Variants in EML1 observed in about 807,000 individuals in gnomAD.
EML1 encodes the protein EMAP like 1.
EML1 carries 27 observed loss-of-function variants against 110.4 expected under a neutral mutation model. The ratio of observed to expected loss-of-function variants is 0.24; its 90% confidence interval spans 0.18 to 0.34. The LOEUF (loss-of-function observed/expected upper bound fraction) is 0.34. Ranked by LOEUF, EML1 falls within the 10% of genes least tolerant of loss-of-function variation. The pLI, the probability that EML1 is intolerant of heterozygous loss-of-function variation, is 1.00. For missense variants in EML1, 741 were observed against 1,030.9 expected, an observed-to-expected ratio of 0.72 and a Z score of 3.85; for synonymous variants, 344 against 385.8, an observed-to-expected ratio of 0.89 and a Z score of 1.27.
chr14:99,865,229 G>A (rs1446293143), intron 2 of EML1, among the ~76,000 whole-genome samples: 1 of 152,172 alleles, frequency 6.6e-6, no homozygotes, highest in Non-Finnish European at 1.5e-5. Flanking sequence ...TCAGGCATTA[G>A]ATTCTCATAA....
In EML1 at chr14:99,784,342, CT is replaced by C. The variant is rs2057576695; in HGVS notation, c.-27+10331del. On this transcript the variant is annotated intron_variant, in intron 1 of 22. Coordinates refer to the EML1 transcript ENST00000327921. The surrounding 1 kb of genome is among the most constrained non-coding windows in gnomAD (Gnocchi z 4.5). ...TCCTGGACTCAAGGGATCTGCCCACCTTGGCCTCCTCAAGTGCTGGGATAAC... is the reference window on the plus strand; with the variant it reads ...TCCTGGACTCAAGGGATCTGCCCACCTGGCCTCCTCAAGTGCTGGGATAAC... 1.3e-5 allele frequency among the ~76,000 whole-genome samples: 2 copies of C among 152,346 alleles called. No homozygotes were observed. The highest frequency in any genetic ancestry group is 4.1e-4 in the South Asian group (2 of 4,826).
chr14:99,923,449 A>G (rs1046267906), intron 17 of EML1, among the ~76,000 whole-genome samples: 1 of 140,704 alleles, frequency 7.1e-6, no homozygotes, highest in African/African-American at 3.2e-5. Context: ...AAGAGTTACA[A>G]GAGTACACTA....
chr14:99,835,757 T>G (rs779665745), intron 1 of EML1, among the ~76,000 whole-genome samples: 2 of 152,262 alleles, frequency 1.3e-5, no homozygotes, highest in African/African-American at 4.8e-5. Flanking sequence ...ATTTTGCATG[T>G]GGACATTCAA....
chr14:99,789,707 T>C (rs772505066), upstream of EML1, among the ~76,000 whole-genome samples: 1 of 152,228 alleles, frequency 6.6e-6, no homozygotes, highest in Non-Finnish European at 1.5e-5. Flanking sequence ...TTTTTAAAAA[T>C]TGCCTTTCTA....
intron 1 of EML1, among the ~76,000 whole-genome samples, chr14:99,746,844 C>G (rs922290350): frequency 3.9e-5 from 6 of 152,270 alleles, no homozygotes; most frequent in Admixed American, 3.3e-4. Context: ...CTCCTCCCAC[C>G]CAGGGCTCCC....
intron 4 of EML1, chr14:99,886,071 G>T (rs2059469310): frequency 6.9e-6 from 2 of 289,722 alleles, no homozygotes; most frequent in South Asian, 6.2e-5. Flanking sequence ...GTTCTTAAAT[G>T]ACCCTATTTC....
intron 1 of EML1, among the ~76,000 whole-genome samples, chr14:99,836,648 T>C (rs1053682992): frequency 5.3e-5 from 8 of 152,228 alleles, no homozygotes; most frequent in Non-Finnish European, 7.3e-5. Flanking sequence ...GTTGATTCTT[T>C]TATTTATTTT....
At chr14:99,793,066 G>A (rs1205327710), upstream of EML1, among the ~76,000 whole-genome samples, 1 of 151,274 alleles carries the variant, frequency 6.6e-6, no homozygotes, top group African/African-American at 2.4e-5. Flanking sequence ...CGCAAGGGCC[G>A]CCCGCCGCGC....
chr14:99,801,072 C>T (rs2057867623), intron 1 of EML1, among the ~76,000 whole-genome samples: 1 of 152,238 alleles, frequency 6.6e-6, no homozygotes, highest in East Asian at 1.9e-4. Flanking sequence ...ACTGGTGGTA[C>T]CCTTCACTCT....
intron 17 of EML1, 82 bp downstream of exon 17, chr14:99,920,959 G>A (rs1055652293): frequency 4.3e-5 from 57 of 1,340,422 alleles, no homozygotes; most frequent in South Asian, 3.2e-4. Context: ...AGGATGTGTC[G>A]GTTTGTTACA....
intron 15 of EML1, among the ~76,000 whole-genome samples, chr14:99,916,867 G>A (rs2060042395): frequency 6.6e-6 from 1 of 152,164 alleles, no homozygotes; most frequent in Non-Finnish European, 1.5e-5. Context: ...CGAAGCCTTG[G>A]CCCAGCTTCC....
At chr14:99,833,356 C>T (rs1474610509) in intron 1 of EML1, among the ~76,000 whole-genome samples, 3 of 152,130 alleles carry the variant, frequency 2.0e-5, no homozygotes, top group Non-Finnish European at 2.9e-5. Flanking sequence ...CTATTCTATT[C>T]TGTTGATCTG....
intron 1 of EML1, chr14:99,838,956 A>G (rs1396511817): frequency 8.3e-6 from 1 of 120,560 alleles, no homozygotes. Flanking sequence ...TGTTTGTAGT[A>G]TTTAGTAAAC....
intron 1 of EML1, among the ~76,000 whole-genome samples, chr14:99,749,475 G>GT (rs2057151949): frequency 1.3e-5 from 2 of 152,312 alleles, no homozygotes; most frequent in African/African-American, 4.8e-5. Context: ...TTAAGTCTCG[G>GT]TTTTCATATC....
chr14:99,837,955 A>G (rs1167846643), intron 1 of EML1, among the ~76,000 whole-genome samples: 2 of 152,098 alleles, frequency 1.3e-5, no homozygotes, highest in African/African-American at 2.4e-5. Flanking sequence ...ATGAACCATC[A>G]TGCCTGGCTA....
At chr14:99,792,136 G>GC (rs2057681983), upstream of EML1, among the ~76,000 whole-genome samples, 1 of 152,178 alleles carries the variant, frequency 6.6e-6, no homozygotes, top group East Asian at 1.9e-4. Context: ...GAGTGACAGA[G>GC]CCCTGTCCCT....
At chr14:99,869,147 AT>A (rs1447624114) in intron 3 of EML1, among the ~76,000 whole-genome samples, 1 of 152,138 alleles carries the variant, frequency 6.6e-6, no homozygotes, top group Non-Finnish European at 1.5e-5. Flanking sequence ...GTCTGGCTTT[AT>A]TGTGCTTTAG....
At chr14:99,807,507 C>T (rs1056865526) in intron 1 of EML1, among the ~76,000 whole-genome samples, 2 of 152,076 alleles carry the variant, frequency 1.3e-5, no homozygotes, top group Non-Finnish European at 2.9e-5. Context: ...GGGGTAGTGG[C>T]CAGGACTGGT....
At chr14:99,924,846 G>C (rs2060204916) in intron 17 of EML1, among the ~76,000 whole-genome samples, 1 of 151,880 alleles carries the variant, frequency 6.6e-6, no homozygotes, top group Non-Finnish European at 1.5e-5. Flanking sequence ...TTATTATGTG[G>C]GTTTCATCCT....
Sources: gnomAD v4.1 joint callset for allele counts (sites outside exome capture counted in the v4.1 genomes callset) on GRCh38, gnomAD v4.1.1 for gene constraint, Gnocchi (gnomAD v3.1) non-coding constraint, MANE v1.5 for transcripts, NCBI Gene and HGNC (gene_info 2026-07-23, HGNC 2026-07-21) for gene names.